The following POLR1B variants were observed in gnomAD, a reference collection of about 807,000 sequenced individuals.
POLR1B encodes the protein RNA polymerase I subunit B, also known as DNA-directed RNA polymerase I subunit RPA2.
POLR1B carries 30 observed loss-of-function variants against 105.8 expected under a neutral mutation model. The observed-to-expected ratio is 0.28, with a 90% CI of 0.21 to 0.38. The LOEUF is 0.38. Ranked by LOEUF, POLR1B falls within the 10% of genes least tolerant of loss-of-function variation. The pLI is 1.00. For missense variants in POLR1B, 976 were observed against 1,435.8 expected (o/e 0.68, Z 5.17); for synonymous variants, 485 against 505.1 (o/e 0.96, Z 0.53).
chr2:112,560,044 T>C (rs760223467), intron 9 of POLR1B, among the ~76,000 whole-genome samples: 15 of 151,952 alleles, frequency 9.9e-5, no homozygotes, highest in Admixed American at 4.6e-4. Flanking sequence ...CTTTCTTGGC[T>C]CCTCTGTAGA....
intron 9 of POLR1B, among the ~76,000 whole-genome samples, chr2:112,562,808 C>G (rs1256814401): frequency 6.7e-6 from 1 of 150,314 alleles, no homozygotes; most frequent in African/African-American, 2.5e-5. Flanking sequence ...TCACCGCAAC[C>G]TCCACCTCCC....
intron 7 of POLR1B, among the ~76,000 whole-genome samples, chr2:112,555,586 A>G (rs1454811110): frequency 6.6e-6 from 1 of 152,180 alleles, no homozygotes; most frequent in Non-Finnish European, 1.5e-5. Context: ...CAGGCGGCGG[A>G]GGATGCAGTG....
chr2:112,558,519 G>A (rs530245838), intron 8 of POLR1B, among the ~76,000 whole-genome samples: 3 of 152,146 alleles, frequency 2.0e-5, no homozygotes, highest in African/African-American at 7.2e-5. Flanking sequence ...AGCTGTGATT[G>A]CACCACTGTA....
intron 9 of POLR1B, among the ~76,000 whole-genome samples, chr2:112,559,939 T>C (rs1683886106): frequency 6.6e-6 from 1 of 152,142 alleles, no homozygotes; most frequent in Admixed American, 6.5e-5. Context: ...CAAGGTTACG[T>C]GGTTTTTAAC....
At chr2:112,559,596 ACAT>A (rs781171867) in intron 9 of POLR1B, 22 bp downstream of exon 9, 1 of 1,596,600 alleles carries the variant, frequency 6.3e-7, no homozygotes, top group East Asian at 2.2e-5. Flanking sequence ...ACAGTGATAA[ACAT>A]CTTGTTTGGT....
chr2:112,543,071 C>T (rs1213827548), intron 1 of POLR1B, among the ~76,000 whole-genome samples: 1 of 152,142 alleles, frequency 6.6e-6, no homozygotes, highest in African/African-American at 2.4e-5. Context: ...TCAAGGTTAT[C>T]CTTCAGTTTC....
upstream of POLR1B, chr2:112,542,121 C>G (rs1198085279): frequency 6.5e-7 from 1 of 1,535,544 alleles, no homozygotes; most frequent in African/African-American, 1.4e-5. Context: ...CTGAGAAGAC[C>G]GCTCTCCTCC....
At chr2:112,561,237 A>G (rs901755951) in intron 9 of POLR1B, among the ~76,000 whole-genome samples, 1 of 152,186 alleles carries the variant, frequency 6.6e-6, no homozygotes, top group African/African-American at 2.4e-5. Context: ...AGAGGGTAGA[A>G]AGGAGAAAAG....
chr2:112,561,267 A>G (rs921913998), intron 9 of POLR1B, among the ~76,000 whole-genome samples: 4 of 152,184 alleles, frequency 2.6e-5, no homozygotes, highest in Admixed American at 2.6e-4. Context: ...AGAGGTAGAA[A>G]GTATATCCAA....
chr2:112,544,393 C>T lies in POLR1B; in HGVS notation c.177+1722C>T, dbSNP rs542596213. On this transcript the variant is annotated intron_variant, in intron 1 of 14. Transcript: ENST00000263331. Reference sequence around the variant, plus strand: ...GTTGCAGTGAGCCAAGATTGCACCACTGCATTCCAGCCTGGGTGACAGAGT... The same window carrying T: ...GTTGCAGTGAGCCAAGATTGCACCATTGCATTCCAGCCTGGGTGACAGAGT... Among the ~76,000 whole-genome samples the T allele has an allele frequency of 1.5e-3, 221 of 152,248 alleles. 2 individuals are homozygous for T. Among genetic ancestry groups the T allele is most frequent in the Admixed American group, 8.0e-3 (122 of 15,294 alleles).
chr2:112,557,496 T>A (rs1189136090), intron 7 of POLR1B, among the ~76,000 whole-genome samples: 1 of 152,250 alleles, frequency 6.6e-6, no homozygotes, highest in Non-Finnish European at 1.5e-5. Flanking sequence ...TTTTTGGTTT[T>A]GATGTATGTT....
At position 112,551,883 on chromosome 2, in the gene POLR1B, G is replaced by A; in HGVS notation, c.871G>A (p.Glu291Lys). The A allele has an allele frequency of 1.2e-6, 2 of 1,614,002 alleles. No individual in the cohort carries two copies. Among genetic ancestry groups the A allele is most frequent in the Non-Finnish European group, 1.7e-6 (2 of 1,179,852 alleles). The change falls in exon 6 of 15, where the codon GAA becomes AAA. Residue 291 changes from glutamate to lysine, a missense_variant. By Grantham distance (56) the Glu-to-Lys change is moderately conservative (BLOSUM62 1). Transcript: ENST00000263331. ...TTCTCAGATGTTAAGGATTGTAATGGAAGAGGGTTGTTCGACACAAAAACA... is the reference window on the plus strand; with the variant it reads ...TTCTCAGATGTTAAGGATTGTAATGAAAGAGGGTTGTTCGACACAAAAACA... ...SVSQMLRIVM[E>K]EGCSTQKQVL...
chr2:112,573,566 T>C lies in POLR1B; in HGVS notation c.2276T>C (p.Val759Ala), dbSNP rs1232034776. The change falls in exon 14 of 15, where the codon GTG (valine) becomes GCG (alanine). Residue 759 changes from valine (V) to alanine (A), a missense_variant. Coordinates refer to ENST00000263331, the MANE Select transcript of POLR1B (RefSeq NM_019014.6). ...TGYDMEDAMI[V>A]NKASWERGFA... ...AACGATTCTTTTACTTCACAGATTG[T>C]GAATAAGGCCTCTTGGGAACGAGGC... 5 of 1,609,560 alleles carry C rather than the reference T, an allele frequency of 3.1e-6. No individual in the cohort carries two copies. The highest frequency in any genetic ancestry group is 4.2e-6 in the Non-Finnish European group (5 of 1,178,058).
chr2:112,553,427 C>T (rs898856167), intron 7 of POLR1B: 5 of 152,266 alleles, frequency 3.3e-5, no homozygotes, highest in African/African-American at 1.2e-4. Context: ...ATCCTCCCAC[C>T]TCAGCCTCCT....
At chr2:112,542,751 C>T (rs753490639) in intron 1 of POLR1B, 80 bp downstream of exon 1, 4 of 1,532,500 alleles carry the variant, frequency 2.6e-6, no homozygotes, top group Non-Finnish European at 3.5e-6. Context: ...AGTATGACCC[C>T]AGATGCATGT....
intron 14 of POLR1B, among the ~76,000 whole-genome samples, chr2:112,574,125 C>G (rs10169290): frequency 0.14 from 21,794 of 152,102 alleles, 2,117 homozygotes; most frequent in East Asian, 0.31. Context: ...GATTACAGGC[C>G]TGAGCCACCA....
intron 10 of POLR1B, among the ~76,000 whole-genome samples, chr2:112,566,055 T>G (rs931589239): frequency 6.6e-6 from 1 of 152,164 alleles, no homozygotes; most frequent in Non-Finnish European, 1.5e-5. Flanking sequence ...AGGTGGGGTT[T>G]CACCATTTGG....
At chr2:112,572,480 T>A in intron 12 of POLR1B, 82 bp from the exon 13 acceptor site, 1 of 976,786 alleles carries the variant, frequency 1.0e-6, no homozygotes, top group Non-Finnish European at 1.5e-6. Flanking sequence ...GATGGATATT[T>A]AGTTGTTTCC....
chr2:112,559,210 T>C, intron 8 of POLR1B, 83 bp from the exon 9 acceptor site: 1 of 1,478,928 alleles, frequency 6.8e-7, no homozygotes. Flanking sequence ...TAGAGTGCTC[T>C]GAGGTTTTGT....
Sources: gnomAD v4.1 joint callset for allele counts (sites outside exome capture counted in the v4.1 genomes callset) on GRCh38, gnomAD v4.1.1 for gene constraint, MANE v1.5 for transcripts, NCBI Gene and HGNC (gene_info 2026-07-23, HGNC 2026-07-21) for gene names.